SBF2: variants seen among roughly 807,000 people sequenced by gnomAD.
SBF2 encodes myotubularin-related protein 13.
SBF2 carries 112 observed loss-of-function variants against 225.2 expected under a neutral mutation model. The observed-to-expected ratio is 0.50, with a 90% CI of 0.43 to 0.58. The LOEUF (loss-of-function observed/expected upper bound fraction) is 0.58, where lower values mean the gene tolerates loss of function less well. SBF2 is among the 20% of genes least tolerant of loss of function. The pLI is 0.00. For synonymous variants in SBF2, 763 were observed against 773.3 expected (o/e 0.99, Z 0.22); for missense variants, 1,996 against 2,206.2 (o/e 0.90, Z 1.91).
chr11:10,251,622 G>A (rs1432734297), intron 1 of SBF2, among the ~76,000 whole-genome samples: 1 of 152,104 alleles, frequency 6.6e-6, no homozygotes, highest in Admixed American at 6.5e-5. Flanking sequence ...GGTTTATGGG[G>A]ACTCTGGATA....
At position 10,176,500 on chromosome 11, in the gene SBF2, A is replaced by G. The variant is rs572271003; in HGVS notation, c.141+17402T>C. Among the ~76,000 whole-genome samples, 321 of 152,032 alleles carry G rather than the reference A, an allele frequency of 2.1e-3. 1 individual carries two copies. Among genetic ancestry groups the G allele is most frequent in the African/African-American group, 7.5e-3 (312 of 41,514 alleles). ...TCAAATAGATGCAATAAAAAATGATAAAGGGGATATCACCACCGATCCCAC... is the reference window on the plus strand; with the variant it reads ...TCAAATAGATGCAATAAAAAATGATGAAGGGGATATCACCACCGATCCCAC... On this transcript the variant is annotated intron_variant, in intron 2 of 39. Transcript: ENST00000256190.
chr11:10,143,206 C>T (rs1163819911), intron 2 of SBF2, among the ~76,000 whole-genome samples: 1 of 151,922 alleles, frequency 6.6e-6, no homozygotes, highest in African/African-American at 2.4e-5. Context: ...AATTTTGCTC[C>T]TGTTGCCCAG....
intron 16 of SBF2, among the ~76,000 whole-genome samples, chr11:9,920,520 T>A (rs1319376957): frequency 6.6e-6 from 1 of 152,220 alleles, no homozygotes; most frequent in Non-Finnish European, 1.5e-5. Context: ...TTTCAGAACA[T>A]ATACTTAAAG....
At chr11:9,995,741 C>A (rs778665510) in intron 9 of SBF2, among the ~76,000 whole-genome samples, 2 of 151,218 alleles carry the variant, frequency 1.3e-5, no homozygotes, top group Non-Finnish European at 2.9e-5. Flanking sequence ...ACCTCCGCCT[C>A]CTGGGTTCAA....
At chr11:10,087,945 G>T (rs1379767421) in intron 2 of SBF2, among the ~76,000 whole-genome samples, 1 of 151,954 alleles carries the variant, frequency 6.6e-6, no homozygotes, top group Non-Finnish European at 1.5e-5. Flanking sequence ...TGAGATTTAT[G>T]TACTTAATAT....
rs1166081188 is a variant in SBF2 at position 9,974,960 on chromosome 11, CAAAAA to C, written c.1396-6420_1396-6416del. On this transcript the variant is annotated intron_variant, in intron 13 of 39. Transcript: ENST00000256190. ...GGGCAACAACAGCGAAACTTTGACTCAAAAAAAAAAAAAAAAAAAAAAAAAAAAGA... is the reference window on the plus strand; with the variant it reads ...GGGCAACAACAGCGAAACTTTGACTCAAAAAAAAAAAAAAAAAAAAAAAGA... 4.3e-4 allele frequency among the ~76,000 whole-genome samples: 10 copies of C among 23,268 alleles called. 1 individual carries two copies. The highest frequency in any genetic ancestry group is 2.8e-3 in the South Asian group (1 of 352). 15.3% of individuals were successfully genotyped at this position (23,268 alleles called of 152,430 possible).
At chr11:10,040,179 CTGAT>C (rs1374120014) in intron 3 of SBF2, among the ~76,000 whole-genome samples, 3 of 151,976 alleles carry the variant, frequency 2.0e-5, no homozygotes, top group Non-Finnish European at 2.9e-5. Context: ...TTCTAGTAGA[CTGAT>C]TATTAATTGC....
chr11:9,845,167 A>C (rs1590207352), intron 24 of SBF2, among the ~76,000 whole-genome samples: 1 of 152,310 alleles, frequency 6.6e-6, no homozygotes, highest in Middle Eastern at 3.4e-3. Context: ...TGAAATGTTC[A>C]AGAGTTATGA....
chr11:10,019,498 G>A (rs1948767371), intron 6 of SBF2, among the ~76,000 whole-genome samples: 2 of 152,098 alleles, frequency 1.3e-5, no homozygotes, highest in Admixed American at 1.3e-4. Context: ...AAAATCTTGT[G>A]TACTCAAATT....
chr11:10,230,957 T>C (rs932770599), intron 1 of SBF2, among the ~76,000 whole-genome samples: 7 of 152,206 alleles, frequency 4.6e-5, no homozygotes, highest in African/African-American at 9.6e-5. Context: ...CAATCAGACA[T>C]AGATTTGGTC....
chr11:10,046,754 A>G (rs1212805415), intron 2 of SBF2, among the ~76,000 whole-genome samples: 1 of 151,916 alleles, frequency 6.6e-6, no homozygotes, highest in Non-Finnish European at 1.5e-5. Context: ...TCTCAATATT[A>G]TCCTACAAGT....
chr11:10,005,962 A>T (rs1012018115), intron 6 of SBF2, among the ~76,000 whole-genome samples: 1 of 152,110 alleles, frequency 6.6e-6, no homozygotes, highest in African/African-American at 2.4e-5. Flanking sequence ...CTTCCCAGGT[A>T]AGATCATTGA....
chr11:10,120,910 G>A (rs1163340945), intron 2 of SBF2, among the ~76,000 whole-genome samples: 9 of 152,040 alleles, frequency 5.9e-5, no homozygotes, highest in East Asian at 3.9e-4. Flanking sequence ...GTGAGCTACC[G>A]TGCCCAGCCA....
At chr11:10,254,160 G>C (rs959611084) in intron 1 of SBF2, among the ~76,000 whole-genome samples, 59 of 152,074 alleles carry the variant, frequency 3.9e-4, no homozygotes, top group Non-Finnish European at 2.1e-4. Flanking sequence ...CAGGAGGGAG[G>C]ATCACTTGAG....
intron 17 of SBF2, among the ~76,000 whole-genome samples, chr11:9,864,127 G>A (rs1305537329): frequency 6.6e-6 from 1 of 152,166 alleles, no homozygotes; most frequent in Non-Finnish European, 1.5e-5. Context: ...ATTAGTTAGT[G>A]GGATTTACAG....
chr11:10,287,334 T>A (rs1963866398), intron 1 of SBF2, among the ~76,000 whole-genome samples: 1 of 152,346 alleles, frequency 6.6e-6, no homozygotes, highest in East Asian at 1.9e-4. Flanking sequence ...CAGGCTGGAA[T>A]ACAGTAGAGT....
At chr11:10,257,367 G>C (rs1195122286) in intron 1 of SBF2, among the ~76,000 whole-genome samples, 1 of 152,090 alleles carries the variant, frequency 6.6e-6, no homozygotes. Context: ...GACCAAATAG[G>C]CATAAGAAAT....
chr11:10,270,487 G>A (rs1962383398), intron 1 of SBF2, among the ~76,000 whole-genome samples: 1 of 152,158 alleles, frequency 6.6e-6, no homozygotes, highest in Non-Finnish European at 1.5e-5. Flanking sequence ...CTCATGTTGA[G>A]TAGGCTGAGG....
chr11:10,191,703 A>C (rs901418556), intron 2 of SBF2, among the ~76,000 whole-genome samples: 4 of 152,202 alleles, frequency 2.6e-5, no homozygotes, highest in African/African-American at 9.6e-5. Flanking sequence ...CTAACAGCAC[A>C]TGACTCCACT....
Sources: allele counts gnomAD v4.1 joint callset (sites outside exome capture counted in the v4.1 genomes callset), GRCh38; gene constraint gnomAD v4.1.1; transcripts MANE v1.5; gene names NCBI Gene and HGNC (gene_info 2026-07-23, HGNC 2026-07-21).